Variants in GRIA2 observed in about 807,000 individuals in gnomAD.
GRIA2 encodes the protein glutamate ionotropic receptor AMPA type subunit 2, also known as glutamate receptor 2.
In GRIA2, 14 loss-of-function variants were observed where a neutral mutation model predicts 97.3. The ratio of observed to expected loss-of-function variants is 0.14; its 90% CI spans 0.10 to 0.23. The LOEUF is 0.23. Ranked by LOEUF, GRIA2 falls within the 10% of genes least tolerant of loss-of-function variation. GRIA2 has a pLI of 1.00. For missense variants in GRIA2, 558 were observed against 1,069.8 expected (o/e 0.52, Z 6.67); for synonymous variants, 412 against 387.8 (o/e 1.06, Z -0.73).
intron 2 of GRIA2, among the ~76,000 whole-genome samples, chr4:157,290,347 T>C (rs1161562304): frequency 6.6e-6 from 1 of 151,892 alleles, no homozygotes; most frequent in Non-Finnish European, 1.5e-5. Flanking sequence ...CTGTTTAATA[T>C]GTTTTGAGAG....
intron 12 of GRIA2, among the ~76,000 whole-genome samples, chr4:157,354,060 C>A (rs1321978086): frequency 1.3e-5 from 2 of 152,090 alleles, no homozygotes; most frequent in South Asian, 4.1e-4. Flanking sequence ...TGATTCATTA[C>A]TTCATGGAAT....
chr4:157,284,541 A>G (rs988797341), intron 2 of GRIA2, among the ~76,000 whole-genome samples: 1 of 151,774 alleles, frequency 6.6e-6, no homozygotes, highest in Non-Finnish European at 1.5e-5. Flanking sequence ...GACATAAAAC[A>G]TTACCAATAC....
chr4:157,352,027 G>T (rs1173934687), intron 12 of GRIA2, among the ~76,000 whole-genome samples: 1 of 152,184 alleles, frequency 6.6e-6, no homozygotes, highest in Non-Finnish European at 1.5e-5. Context: ...ATGCCAAAGA[G>T]AGCTCTGAGA....
At position 157,359,982 on chromosome 4, in the gene GRIA2, G is replaced by C; in HGVS notation, c.2130G>C (p.Gly710=). Residue 710 remains glycine (G), a synonymous_variant, in exon 13 of 16, where the codon GGG becomes GGC. Coordinates refer to ENST00000264426, the MANE Select transcript of GRIA2 (RefSeq NM_001083619.3). Reference sequence around the variant, plus strand: ...TGTTTGTGAGGACTACGGCCGAAGGGGTGGCTAGAGTGCGGAAGTCCAAAG... The same window carrying C: ...TGTTTGTGAGGACTACGGCCGAAGGCGTGGCTAGAGTGCGGAAGTCCAAAG... The part of the protein sequence containing the change: ...PSVFVRTTAE[G]VARVRKSKGK... 6.2e-7 allele frequency: 1 copy of C among 1,613,940 alleles called. No individual in the cohort carries two copies. Among genetic ancestry groups the C allele is most frequent in the Non-Finnish European group, 8.5e-7 (1 of 1,179,906 alleles).
intron 12 of GRIA2, among the ~76,000 whole-genome samples, chr4:157,359,440 C>A (rs547902562): frequency 6.6e-6 from 1 of 152,058 alleles, no homozygotes; most frequent in African/African-American, 2.4e-5. Context: ...TATTCCACAG[C>A]GAATAGGCAT....
At position 157,335,877 on chromosome 4, in the gene GRIA2, G is replaced by C; in HGVS notation, c.1473G>C (p.Gly491=). 2 of 1,570,042 alleles carry C rather than the reference G, an allele frequency of 1.3e-6. No homozygotes were observed. Among genetic ancestry groups the C allele is most frequent in the Non-Finnish European group, 1.8e-6 (2 of 1,142,342 alleles). The change falls in exon 10 of 16, where the codon GGG becomes GGC. Residue 491 remains glycine (G), a splice_region_variant and synonymous_variant. Coordinates refer to ENST00000264426, the MANE Select transcript of GRIA2 (RefSeq NM_001083619.3). ...WNGMVGELVY[G]KADIAIAPLT... is the part of the protein sequence containing the mutation. The stretch of plus-strand genomic sequence containing the variant: ...GGATGGTTGGAGAACTTGTATATGG[G>C]GTAAGTATAGCTCTTCTCATAGATA...
At position 157,322,250 on chromosome 4, in the gene GRIA2, T is replaced by A. The variant is rs1347886096; in HGVS notation, c.882+651T>A. ...GAGAAAGAGAGAGAGAGAGTGTGTG[T>A]GTGTGTGTGTGTGTGTGTGTGTGTG... On this transcript the variant is annotated intron_variant, in intron 6 of 15. Coordinates refer to ENST00000264426, the MANE Select transcript of GRIA2 (RefSeq NM_001083619.3). Among the ~76,000 whole-genome samples the A allele has an allele frequency of 2.4e-3, 311 of 127,122 alleles. 1 individual carries two copies. The highest frequency in any genetic ancestry group is 5.7e-3 in the African/African-American group (196 of 34,370). 83.4% of individuals were successfully genotyped at this position (127,122 alleles called of 152,430 possible).
At chr4:157,353,938 CTAATT>C (rs905206116) in intron 12 of GRIA2, among the ~76,000 whole-genome samples, 15 of 151,894 alleles carry the variant, frequency 9.9e-5, no homozygotes, top group African/African-American at 3.1e-4. Flanking sequence ...TTATAAAAAA[CTAATT>C]TATTATATTT....
At chr4:157,246,647 C>T (rs546335629) in intron 2 of GRIA2, among the ~76,000 whole-genome samples, 50 of 151,964 alleles carry the variant, frequency 3.3e-4, no homozygotes, top group Admixed American at 1.2e-3. Context: ...TTATAAATTG[C>T]GATGAGCTGC....
intron 2 of GRIA2, among the ~76,000 whole-genome samples, chr4:157,254,034 T>C (rs892135230): frequency 2.6e-5 from 4 of 151,930 alleles, no homozygotes; most frequent in East Asian, 3.9e-4. Context: ...TTTTTTTTTT[T>C]CCCTAATGGC....
intron 2 of GRIA2, among the ~76,000 whole-genome samples, chr4:157,299,119 G>C (rs1733499163): frequency 6.6e-6 from 1 of 152,108 alleles, no homozygotes; most frequent in Non-Finnish European, 1.5e-5. Context: ...AAGACTAGTA[G>C]CAGCGGAAAG....
At chr4:157,287,542 T>G (rs1732899996) in intron 2 of GRIA2, among the ~76,000 whole-genome samples, 1 of 151,698 alleles carries the variant, frequency 6.6e-6, no homozygotes, top group Non-Finnish European at 1.5e-5. Flanking sequence ...TTGCTTTTGC[T>G]TAGTGATTAG....
At chr4:157,227,772 G>T (rs1446178951) in intron 2 of GRIA2, among the ~76,000 whole-genome samples, 2 of 151,978 alleles carry the variant, frequency 1.3e-5, no homozygotes, top group Admixed American at 6.6e-5. Flanking sequence ...AAATTTCTCA[G>T]GTTTTCTCCA....
chr4:157,300,336 G>A (rs1454071588), intron 2 of GRIA2, among the ~76,000 whole-genome samples: 1 of 151,990 alleles, frequency 6.6e-6, no homozygotes, highest in Non-Finnish European at 1.5e-5. Flanking sequence ...GGATATTTGG[G>A]GATAACATGT....
intron 11 of GRIA2, among the ~76,000 whole-genome samples, chr4:157,338,172 A>G (rs1281985684): frequency 6.6e-6 from 1 of 151,522 alleles, no homozygotes; most frequent in Non-Finnish European, 1.5e-5. Context: ...TTGGAGGCAA[A>G]TACTAACCAA....
intron 1 of GRIA2, 50 bp downstream of exon 1, chr4:157,221,180 A>G: frequency 1.1e-6 from 1 of 927,208 alleles, no homozygotes; most frequent in Non-Finnish European, 1.8e-6. Flanking sequence ...TTTGGTGGTA[A>G]TCTTTGTTCA....
intron 6 of GRIA2, among the ~76,000 whole-genome samples, chr4:157,323,853 C>T (rs1734693672): frequency 6.6e-6 from 1 of 152,194 alleles, no homozygotes; most frequent in Admixed American, 6.5e-5. Flanking sequence ...TCCCTTCCTG[C>T]TGTAGCATTT....
chr4:157,224,939 G>C (rs1441079141), intron 2 of GRIA2, among the ~76,000 whole-genome samples: 1 of 151,978 alleles, frequency 6.6e-6, no homozygotes, highest in African/African-American at 2.4e-5. Flanking sequence ...GAAATAGCTT[G>C]CTCTTCCAAT....
Position 157,303,680 on chromosome 4 carries a change from G to A in GRIA2, c.358G>A (p.Gly120Ser), listed in dbSNP as rs752040779. 3.1e-6 allele frequency: 5 copies of A among 1,614,052 alleles called. No homozygotes were observed. The highest frequency in any genetic ancestry group is 3.4e-6 in the Non-Finnish European group (4 of 1,179,990). Residue 120 changes from glycine to serine, a missense_variant, in exon 3 of 16, where the codon GGC (glycine) becomes AGC (serine). By Grantham distance (56) the Gly-to-Ser change is moderately conservative (BLOSUM62 0). Transcript: ENST00000264426. ...CATCACTCCCAGCTTCCCAACAGAT[G>A]GCACACATCCATTTGTCATTCAGAT... The part of the protein sequence containing the change: ...SFITPSFPTD[G>S]THPFVIQMRP...
Sources: allele counts gnomAD v4.1 joint callset (sites outside exome capture counted in the v4.1 genomes callset), GRCh38; gene constraint gnomAD v4.1.1; transcripts MANE v1.5; gene names NCBI Gene and HGNC (gene_info 2026-07-23, HGNC 2026-07-21).